RNF20: variants seen among roughly 807,000 people sequenced by gnomAD.
The protein encoded by RNF20 is ring finger protein 20.
RNF20 carries 84 observed loss-of-function variants against 126.2 expected under a neutral mutation model. That is an observed-to-expected ratio of 0.67 (90% CI 0.56 to 0.80). RNF20 has a LOEUF of 0.80. RNF20 is among the 30% of genes least tolerant of loss of function. The pLI, the probability that RNF20 is intolerant of heterozygous loss-of-function variation, is 0.00. For synonymous variants in RNF20, 400 were observed against 414.3 expected (o/e 0.97, Z 0.42); for missense variants, 869 against 1,188.2 (o/e 0.73, Z 3.95).
intron 5 of RNF20, 60 bp from the exon 6 acceptor site, chr9:101,544,707 A>G: frequency 5.5e-6 from 1 of 182,726 alleles, no homozygotes; most frequent in South Asian, 1.4e-4. Flanking sequence ...ACTCCGTCTT[A>G]AAAAAAAAAA....
At chr9:101,546,687 A>T (rs1827352316) in intron 6 of RNF20, 133 bp from the exon 7 acceptor site, 1 of 785,298 alleles carries the variant, frequency 1.3e-6, no homozygotes, top group Non-Finnish European at 2.0e-6. Context: ...CATTTTTGTA[A>T]TCATGCATTG....
At chr9:101,553,689 C>G (rs1199105818) in intron 13 of RNF20, among the ~76,000 whole-genome samples, 1 of 151,860 alleles carries the variant, frequency 6.6e-6, no homozygotes, top group Non-Finnish European at 1.5e-5. Flanking sequence ...TCTCAGTTAC[C>G]CAGGGTTGGG....
In RNF20 at chr9:101,562,494, C is replaced by T. The variant is rs1408821152; in HGVS notation, c.*72C>T. The T allele has an allele frequency of 7.1e-7, 1 of 1,401,054 alleles. No individual in the cohort carries two copies. The highest frequency in any genetic ancestry group is 9.7e-7 in the Non-Finnish European group (1 of 1,031,528). The allele number at this position is 1,401,054 out of a possible 1,614,324, so 86.8% of individuals were successfully genotyped here. A position where few individuals can be genotyped will look rare whatever the true frequency, so the allele number is the denominator to read the frequency against. Reference sequence around the variant, plus strand: ...ATTAACCACCAAACCTCTACCTCTTCTCTCCTTGACTGTCACCTGTAGGAC... The same window carrying T: ...ATTAACCACCAAACCTCTACCTCTTTTCTCCTTGACTGTCACCTGTAGGAC... On this transcript the variant is annotated 3_prime_UTR_variant, in exon 20 of 20. Coordinates refer to ENST00000389120, the MANE Select transcript of RNF20 (RefSeq NM_019592.7).
At chr9:101,549,903 A>G (rs1827415144) in intron 9 of RNF20, among the ~76,000 whole-genome samples, 1 of 152,258 alleles carries the variant, frequency 6.6e-6, no homozygotes, top group South Asian at 2.1e-4. Context: ...ATTCATATAT[A>G]ATCATATCTA....
chr9:101,556,738 A>C (rs1488682991), intron 15 of RNF20, among the ~76,000 whole-genome samples: 3 of 152,210 alleles, frequency 2.0e-5, no homozygotes, highest in Non-Finnish European at 4.4e-5. Context: ...TAGCAAAGCC[A>C]AAAGATTAAA....
chr9:101,557,504 A>G lies in RNF20; in HGVS notation c.2290A>G (p.Met764Val). The G allele has an allele frequency of 6.2e-7, 1 of 1,614,040 alleles. No homozygotes were observed. The highest frequency in any genetic ancestry group is 8.5e-7 in the Non-Finnish European group (1 of 1,179,896). Residue 764 changes from methionine (M) to valine (V), a missense_variant, in exon 16 of 20, where the codon ATG becomes GTG. Met to Val is a conservative substitution (Grantham distance 21, BLOSUM62 1). Coordinates refer to ENST00000389120, the MANE Select transcript of RNF20 (RefSeq NM_019592.7). ...GAAGGATGATGCAAATTTCAAGCTC[A>G]TGTCAGAGCGTATCAAGTCCAATCA... is the stretch of plus-strand genomic sequence containing the variant. ...REKDDANFKLMSERIKSNQIH... is the reference protein window; with the variant it reads ...REKDDANFKLVSERIKSNQIH...
At chr9:101,549,585 A>G (rs532242458) in intron 9 of RNF20, among the ~76,000 whole-genome samples, 1 of 152,084 alleles carries the variant, frequency 6.6e-6, no homozygotes, top group South Asian at 2.1e-4. Context: ...CGGGAAAGGG[A>G]GACTCCCTTT....
rs1027297151 is a variant in RNF20 at position 101,543,490 on chromosome 9, G to A, written c.629-1277G>A. ...GGCAGCACTGTCTAACCCTGCCAGGGTGGCACTGTCTAACCCTGCCACTGC... is the reference window on the plus strand; with the variant it reads ...GGCAGCACTGTCTAACCCTGCCAGGATGGCACTGTCTAACCCTGCCACTGC... On this transcript the variant is annotated intron_variant, in intron 5 of 19. Coordinates refer to ENST00000389120, the MANE Select transcript of RNF20 (RefSeq NM_019592.7). 8.5e-5 allele frequency among the ~76,000 whole-genome samples: 12 copies of A among 141,630 alleles called. No homozygotes were observed. The East Asian group carries it at 2.5e-3, about 29-fold the overall frequency. The allele number at this position is 141,630 out of a possible 152,430, so 92.9% of individuals were successfully genotyped here. A position where few individuals can be genotyped will look rare whatever the true frequency, so the allele number is the denominator to read the frequency against.
intron 2 of RNF20, 138 bp downstream of exon 2, chr9:101,535,690 A>G: frequency 1.2e-6 from 1 of 847,890 alleles, no homozygotes; most frequent in Non-Finnish European, 1.8e-6. Flanking sequence ...GAAAGTAGGT[A>G]AAATGATGTG....
intron 15 of RNF20, among the ~76,000 whole-genome samples, chr9:101,556,527 G>T (rs1354037499): frequency 6.6e-6 from 1 of 152,040 alleles, no homozygotes; most frequent in Non-Finnish European, 1.5e-5. Flanking sequence ...AATACACTAG[G>T]ATGATTTCCA....
intron 2 of RNF20, 91 bp from the exon 3 acceptor site, chr9:101,540,112 A>C (rs1190163720): frequency 8.2e-7 from 1 of 1,224,888 alleles, no homozygotes. Flanking sequence ...TTCATAGAAA[A>C]TAACTAATGA....
chr9:101,561,880 G>A, intron 18 of RNF20, 30 bp from the exon 19 acceptor site: 1 of 1,417,154 alleles, frequency 7.1e-7, no homozygotes, highest in Non-Finnish European at 1.0e-6. Context: ...TTGGGTAAGT[G>A]TGTCTAATGG....
chr9:101,543,352 G>A (rs1429147411), intron 5 of RNF20, among the ~76,000 whole-genome samples: 1 of 149,308 alleles, frequency 6.7e-6, no homozygotes, highest in African/African-American at 2.5e-5. Context: ...TTCCAGGGCG[G>A]CACTGTCTAA....
In RNF20 at chr9:101,540,834, G is replaced by T. The variant is rs1326918383; in HGVS notation, c.487G>T (p.Ala163Ser). The change falls in exon 5 of 20, where the codon GCC (alanine) becomes TCC (serine). Residue 163 changes from alanine to serine, a missense_variant. By Grantham distance (99) the Ala-to-Ser change is moderately conservative (BLOSUM62 1). This residue lies in a region of RNF20 where 157 missense variants were observed against 236.0 expected (regional missense o/e 0.67). Transcript: ENST00000389120. ...EPAFSFLATL[A>S]SSSSEEMESQ... is the part of the protein sequence containing the mutation. ...AGCTTTCTCTTTCCTTGCTACTTTG[G>T]CCAGCAGTTCCAGTGAAGAGATGGA... 6.2e-7 allele frequency: 1 copy of T among 1,613,988 alleles called. No individual in the cohort carries two copies. The highest frequency in any genetic ancestry group is 1.7e-5 in the Admixed American group (1 of 59,986).
At chr9:101,560,009 C>T (rs776168052) in intron 16 of RNF20, among the ~76,000 whole-genome samples, 2 of 152,064 alleles carry the variant, frequency 1.3e-5, no homozygotes, top group Non-Finnish European at 2.9e-5. Flanking sequence ...TCAACTTTTC[C>T]TTGTTCAGTA....
At chr9:101,536,492 A>G (rs1311785355) in intron 2 of RNF20, among the ~76,000 whole-genome samples, 1 of 152,096 alleles carries the variant, frequency 6.6e-6, no homozygotes, top group Non-Finnish European at 1.5e-5. Flanking sequence ...ATGAAGTGTC[A>G]TTTCTGAGGC....
In RNF20 at chr9:101,562,562, G is replaced by A. The variant is rs1252325038; in HGVS notation, c.*140G>A. 1 of 721,590 alleles carries A rather than the reference G, an allele frequency of 1.4e-6. No homozygotes were observed. The highest frequency in any genetic ancestry group is 2.2e-6 in the Non-Finnish European group (1 of 460,230). 44.7% of individuals were successfully genotyped at this position (721,590 alleles called of 1,614,324 possible). On this transcript the variant is annotated 3_prime_UTR_variant, in exon 20 of 20. Coordinates refer to ENST00000389120, the MANE Select transcript of RNF20 (RefSeq NM_019592.7). ...CCTTTCCTCCAGACTTTACTTCCAG[G>A]CTCTCCTCTTCAGTAGCTGGATGAC...
At chr9:101,551,394 T>C (rs1044705001) in intron 10 of RNF20, among the ~76,000 whole-genome samples, 21 of 152,214 alleles carry the variant, frequency 1.4e-4, no homozygotes, top group African/African-American at 4.6e-4. Flanking sequence ...GTAATGGTTA[T>C]AATAGTTGGT....
Position 101,540,816 on chromosome 9 carries a change from T to C in RNF20, c.469T>C (p.Ser157Pro). ...AGGGGAAGGGCAAGAGCCAGCTTTC[T>C]CTTTCCTTGCTACTTTGGCCAGCAG... ...ERGEGQEPAF[S>P]FLATLASSSS... Residue 157 changes from serine to proline, a missense_variant, in exon 5 of 20, where the codon TCT becomes CCT. Ser to Pro is a moderately conservative substitution (Grantham distance 74). This residue lies in a region of RNF20 where 157 missense variants were observed against 236.0 expected (regional missense o/e 0.67). Coordinates refer to ENST00000389120, the MANE Select transcript of RNF20 (RefSeq NM_019592.7). 6.2e-7 allele frequency: 1 copy of C among 1,614,018 alleles called. No individual in the cohort carries two copies. Among genetic ancestry groups the C allele is most frequent in the Non-Finnish European group, 8.5e-7 (1 of 1,180,024 alleles).
Sources: gnomAD v4.1 joint callset for allele counts (sites outside exome capture counted in the v4.1 genomes callset) on GRCh38, gnomAD v4.1.1 for gene constraint, gnomAD v4.1.1 regional missense constraint, MANE v1.5 for transcripts, NCBI Gene and HGNC (gene_info 2026-07-23, HGNC 2026-07-21) for gene names.